LRBA: variants seen among roughly 807,000 people sequenced by gnomAD.
LRBA encodes lipopolysaccharide-responsive and beige-like anchor protein.
A neutral mutation model predicts 330.0 loss-of-function variants in LRBA; 176 were observed. The ratio of observed to expected loss-of-function variants is 0.53; its 90% CI spans 0.47 to 0.60. The LOEUF (loss-of-function observed/expected upper bound fraction) is 0.60. Among genes scored for constraint, LRBA ranks in the 20% least tolerant of loss-of-function variants. The pLI is 0.00. For synonymous variants in LRBA, 1,230 were observed against 1,193.0 expected, an observed-to-expected ratio of 1.03 and a Z score of -0.64; for missense variants, 3,259 against 3,444.8, an observed-to-expected ratio of 0.95 and a Z score of 1.35.
intron 37 of LRBA, among the ~76,000 whole-genome samples, chr4:150,623,442 G>T (rs6855667): frequency 0.88 from 133,161 of 152,152 alleles, 59,183 homozygotes; most frequent in Non-Finnish European, 0.95. Context: ...CTATTAAATA[G>T]TATATGCCTG....
chr4:151,002,802 A>G (rs1324072398), intron 2 of LRBA, among the ~76,000 whole-genome samples: 1 of 151,262 alleles, frequency 6.6e-6, no homozygotes, highest in Non-Finnish European at 1.5e-5. Flanking sequence ...ACTTGAGTCC[A>G]AGAGTTCGAA....
At chr4:150,906,051 C>G in intron 12 of LRBA, 61 bp from the exon 13 acceptor site, 1 of 1,433,470 alleles carries the variant, frequency 7.0e-7, no homozygotes, top group Non-Finnish European at 9.7e-7. Context: ...GAATTACAGG[C>G]TGTCCCTACC....
intron 35 of LRBA, among the ~76,000 whole-genome samples, chr4:150,748,900 G>A (rs531240050): frequency 4.8e-4 from 73 of 152,146 alleles, no homozygotes; most frequent in African/African-American, 1.7e-3. Context: ...GCTTCCACCA[G>A]GTGAAGACAC....
At chr4:150,674,609 C>T (rs1186266187) in intron 37 of LRBA, among the ~76,000 whole-genome samples, 2 of 152,184 alleles carry the variant, frequency 1.3e-5, no homozygotes, top group Non-Finnish European at 2.9e-5. Context: ...GGTGAAGTGG[C>T]TCATGCCTGT....
At chr4:150,368,310 C>T (rs1006674980) in intron 47 of LRBA, among the ~76,000 whole-genome samples, 1 of 151,972 alleles carries the variant, frequency 6.6e-6, no homozygotes, top group Non-Finnish European at 1.5e-5. Flanking sequence ...TCAGATACTT[C>T]CTTAAAAAGG....
rs376357641 is a variant in LRBA at position 150,321,411 on chromosome 4, A to G, written c.7453-43T>C. ...GTTGAGTGGGCATGACAAGACCCAA[A>G]TAGACAAGAAGGAAAAGATGAAGAA... On this transcript the variant is annotated intron_variant, in intron 49 of 56. Transcript: ENST00000651943. The surrounding 1 kb of genome is among the most constrained non-coding windows in gnomAD (Gnocchi z 4.5). The G allele has an allele frequency of 8.8e-6, 13 of 1,481,666 alleles. No homozygotes were observed. Among genetic ancestry groups the G allele is most frequent in the African/African-American group, 7.2e-5 (5 of 69,056 alleles). The allele number at this position is 1,481,666 out of a possible 1,614,324, so 91.8% of individuals were successfully genotyped here.
chr4:150,390,578 A>T (rs1207727087), intron 47 of LRBA, among the ~76,000 whole-genome samples: 1 of 152,186 alleles, frequency 6.6e-6, no homozygotes, highest in Non-Finnish European at 1.5e-5. Context: ...AGGTAGTGGG[A>T]TATAAAATAG....
At chr4:150,306,979 T>C (rs1432823396) in intron 52 of LRBA, among the ~76,000 whole-genome samples, 2 of 152,072 alleles carry the variant, frequency 1.3e-5, no homozygotes, top group African/African-American at 2.4e-5. Context: ...CACAGGATTA[T>C]TGTGAGACTG....
chr4:150,974,939 C>G (rs147277932), intron 2 of LRBA, among the ~76,000 whole-genome samples: 1 of 152,242 alleles, frequency 6.6e-6, no homozygotes, highest in East Asian at 1.9e-4. Context: ...ATATAGAAAG[C>G]AGGCCAAAAC....
intron 5 of LRBA, among the ~76,000 whole-genome samples, chr4:150,918,983 T>C (rs1265009716): frequency 2.0e-5 from 3 of 152,192 alleles, no homozygotes; most frequent in Non-Finnish European, 4.4e-5. Flanking sequence ...TTATTCATAC[T>C]AGCCCAAGAA....
intron 40 of LRBA, among the ~76,000 whole-genome samples, chr4:150,506,357 C>T (rs550391562): frequency 6.6e-6 from 1 of 152,282 alleles, no homozygotes; most frequent in East Asian, 1.9e-4. Flanking sequence ...AATCCAGCAG[C>T]ACATCAAAAA....
intron 40 of LRBA, among the ~76,000 whole-genome samples, chr4:150,515,667 A>G (rs1050306446): frequency 1.3e-5 from 2 of 152,198 alleles, no homozygotes; most frequent in African/African-American, 4.8e-5. Flanking sequence ...ATTGAAAAGA[A>G]AGATGAAAAT....
rs1032869376 is a variant in LRBA at position 150,523,206 on chromosome 4, C to T, written c.6331-32171G>A. Among the ~76,000 whole-genome samples, 8 of 152,068 alleles carry T rather than the reference C, an allele frequency of 5.3e-5. No individual in the cohort carries two copies. In the East Asian group the frequency reaches 7.7e-4, roughly 15 times the overall value. Reference sequence around the variant, plus strand: ...GCATGTGAGGTTGACATGTATTTTGCGGTGGGAATGCTATAGTCTGAATTT... The same window carrying T: ...GCATGTGAGGTTGACATGTATTTTGTGGTGGGAATGCTATAGTCTGAATTT... On this transcript the variant is annotated intron_variant, in intron 40 of 56. Transcript: ENST00000651943.
intron 40 of LRBA, among the ~76,000 whole-genome samples, chr4:150,554,154 A>C (rs1436134707): frequency 6.6e-6 from 1 of 152,230 alleles, no homozygotes; most frequent in Non-Finnish European, 1.5e-5. Context: ...TATATAAGCA[A>C]GAGCCTCCTC....
At chr4:150,770,928 CCTTA>C (rs1318407066) in intron 34 of LRBA, among the ~76,000 whole-genome samples, 2 of 152,266 alleles carry the variant, frequency 1.3e-5, no homozygotes, top group South Asian at 2.1e-4. Flanking sequence ...ACATACTCTT[CCTTA>C]CTTTTATTGT....
At chr4:150,585,011 A>T (rs1316424914) in intron 40 of LRBA, among the ~76,000 whole-genome samples, 4 of 152,196 alleles carry the variant, frequency 2.6e-5, no homozygotes, top group Non-Finnish European at 5.9e-5. Context: ...AATAGAAAAA[A>T]CTTTTTCACA....
intron 47 of LRBA, among the ~76,000 whole-genome samples, chr4:150,352,694 G>T (rs1291767475): frequency 6.6e-6 from 1 of 152,152 alleles, no homozygotes; most frequent in Non-Finnish European, 1.5e-5. Context: ...AACTACTAAT[G>T]CAAGTTACAC....
rs1731489827 is a variant in LRBA, at chr4:150,907,553, T to C, written c.1493+781A>G. ...CTGAAAATAATGAGGACAATTACCA[T>C]TATTATACACACTGGTGGCAGACAT... On this transcript the variant is annotated intron_variant, in intron 11 of 56. Coordinates refer to ENST00000651943, the MANE Select transcript of LRBA (RefSeq NM_001364905.1). 2.0e-5 allele frequency among the ~76,000 whole-genome samples: 3 copies of C among 152,142 alleles called. No individual in the cohort carries two copies. The South Asian group carries it at 6.2e-4, about 32-fold the overall frequency.
chr4:151,001,918 G>C (rs1016158882), intron 2 of LRBA, among the ~76,000 whole-genome samples: 1 of 151,898 alleles, frequency 6.6e-6, no homozygotes, highest in African/African-American at 2.4e-5. Context: ...TCAGTCCCCA[G>C]CAAAACTTCA....
Sources: allele counts gnomAD v4.1 joint callset (sites outside exome capture counted in the v4.1 genomes callset), GRCh38; gene constraint gnomAD v4.1.1; non-coding constraint Gnocchi (gnomAD v3.1); transcripts MANE v1.5; gene names NCBI Gene and HGNC (gene_info 2026-07-23, HGNC 2026-07-21).